The following UVRAG variants were observed in gnomAD, a reference collection of about 807,000 sequenced individuals.
UVRAG encodes the protein UV radiation resistance-associated gene protein.
UVRAG carries 19 observed loss-of-function variants against 78.0 expected under a neutral mutation model. The observed-to-expected ratio is 0.24, with a 90% confidence interval of 0.17 to 0.36. The LOEUF is 0.36. UVRAG is among the 10% of genes least tolerant of loss of function. UVRAG has a pLI of 1.00. For synonymous variants in UVRAG, 323 were observed against 324.6 expected (o/e 1.00, Z 0.05); for missense variants, 740 against 853.8 (o/e 0.87, Z 1.66).
At chr11:76,093,738 T>C (rs1437861097) in intron 13 of UVRAG, among the ~76,000 whole-genome samples, 2 of 152,260 alleles carry the variant, frequency 1.3e-5, no homozygotes, top group African/African-American at 2.4e-5. Flanking sequence ...AAGTTACTTA[T>C]TGGCTTAAAG....
At chr11:75,958,563 A>G (rs1235981264) in intron 6 of UVRAG, among the ~76,000 whole-genome samples, 5 of 152,200 alleles carry the variant, frequency 3.3e-5, no homozygotes, top group East Asian at 1.9e-4. Flanking sequence ...TTCTCTTGCT[A>G]TTAAAACCAT....
intron 13 of UVRAG, among the ~76,000 whole-genome samples, chr11:76,075,374 G>A (rs560637088): frequency 1.3e-5 from 2 of 152,270 alleles, no homozygotes; most frequent in Non-Finnish European, 2.9e-5. Context: ...ACTTTGGGAG[G>A]CCGAGGTGGG....
intron 1 of UVRAG, among the ~76,000 whole-genome samples, chr11:75,823,936 G>T (rs546041702): frequency 6.6e-6 from 1 of 152,264 alleles, no homozygotes; most frequent in African/African-American, 2.4e-5. Flanking sequence ...AAAAAAACAT[G>T]ATAGAAGCAG....
At chr11:76,110,151 C>A (rs1044748811) in intron 13 of UVRAG, among the ~76,000 whole-genome samples, 1 of 150,384 alleles carries the variant, frequency 6.6e-6, no homozygotes, top group Non-Finnish European at 1.5e-5. Context: ...CAGCTTTATG[C>A]CCAGCCTAGT....
intron 14 of UVRAG, among the ~76,000 whole-genome samples, chr11:76,136,520 T>C (rs1952599251): frequency 6.6e-6 from 1 of 151,312 alleles, no homozygotes; most frequent in Non-Finnish European, 1.5e-5. Flanking sequence ...TTTTTTTTTT[T>C]TTTTTTGAGA....
At chr11:75,918,404 A>C (rs1421157571) in intron 6 of UVRAG, among the ~76,000 whole-genome samples, 4 of 151,710 alleles carry the variant, frequency 2.6e-5, no homozygotes, top group African/African-American at 9.7e-5. Flanking sequence ...AAGATACATG[A>C]ATTTTCTTAC....
At chr11:75,883,308 T>G (rs1006693287) in intron 4 of UVRAG, among the ~76,000 whole-genome samples, 59 of 150,958 alleles carry the variant, frequency 3.9e-4, no homozygotes, top group African/African-American at 1.4e-3. Context: ...CAGCCCTACT[T>G]TCAGAGAGTT....
intron 12 of UVRAG, among the ~76,000 whole-genome samples, chr11:76,032,807 T>C (rs550914078): frequency 1.3e-4 from 20 of 152,196 alleles, no homozygotes; most frequent in Non-Finnish European, 2.6e-4. Flanking sequence ...AATACACCTT[T>C]CCATGGACCA....
chr11:75,998,389 A>G (rs1350530850), intron 8 of UVRAG, among the ~76,000 whole-genome samples: 1 of 152,258 alleles, frequency 6.6e-6, no homozygotes, highest in African/African-American at 2.4e-5. Flanking sequence ...CTGACCCAAA[A>G]TAAACAGACA....
chr11:75,983,049 T>C (rs1244066834), intron 7 of UVRAG, among the ~76,000 whole-genome samples: 1 of 152,188 alleles, frequency 6.6e-6, no homozygotes, highest in Non-Finnish European at 1.5e-5. Flanking sequence ...GGTCTTATGG[T>C]ACCTCTGTAT....
chr11:75,832,286 C>T (rs1352363950), intron 1 of UVRAG, among the ~76,000 whole-genome samples: 1 of 152,206 alleles, frequency 6.6e-6, no homozygotes, highest in Non-Finnish European at 1.5e-5. Context: ...TCCCACAAGG[C>T]TGCTCCCACA....
chr11:75,867,603 C>T (rs1349030363), intron 3 of UVRAG, among the ~76,000 whole-genome samples: 1 of 152,112 alleles, frequency 6.6e-6, no homozygotes, highest in Non-Finnish European at 1.5e-5. Context: ...TCCTATATGT[C>T]TTTTGGTAAA....
chr11:76,031,417 CAA>C (rs1350960828), intron 12 of UVRAG, among the ~76,000 whole-genome samples: 2 of 152,132 alleles, frequency 1.3e-5, no homozygotes, highest in Non-Finnish European at 2.9e-5. Flanking sequence ...GAAAATGAGT[CAA>C]GAGAAATTGT....
intron 12 of UVRAG, among the ~76,000 whole-genome samples, chr11:76,026,901 C>G (rs892481101): frequency 6.6e-6 from 1 of 151,926 alleles, no homozygotes; most frequent in African/African-American, 2.4e-5. Context: ...CATGTGAAAA[C>G]TTTCCCAAAT....
In UVRAG at chr11:76,125,440, C is replaced by T. The variant is rs148844223; in HGVS notation, c.1397+9425C>T. On this transcript the variant is annotated intron_variant, in intron 14 of 14. Transcript: ENST00000356136. ...TTAGGGGACCAGGCTTCTTCCATAA[C>T]TCATTCCAGAGTTTAAACACCCTCA... Among the ~76,000 whole-genome samples, 790 of 152,292 alleles carry T rather than the reference C, an allele frequency of 5.2e-3. 23 individuals carry two copies. Among genetic ancestry groups the T allele is most frequent in the Admixed American group, 0.047 (717 of 15,300 alleles).
chr11:75,922,330 A>G (rs1251026226), intron 6 of UVRAG, among the ~76,000 whole-genome samples: 2 of 152,040 alleles, frequency 1.3e-5, no homozygotes, highest in Non-Finnish European at 2.9e-5. Flanking sequence ...GTTCCATTCC[A>G]TTCTTGTGTG....
chr11:75,961,961 T>C (rs1410696174), intron 7 of UVRAG, among the ~76,000 whole-genome samples: 1 of 152,170 alleles, frequency 6.6e-6, no homozygotes, highest in Non-Finnish European at 1.5e-5. Flanking sequence ...GTGATCTCTT[T>C]TGGGAAATAC....
chr11:75,854,303 T>C (rs1217655986), intron 2 of UVRAG, among the ~76,000 whole-genome samples: 1 of 152,272 alleles, frequency 6.6e-6, no homozygotes, highest in Non-Finnish European at 1.5e-5. Flanking sequence ...GCCTCTGGCA[T>C]GGCCAGAGAT....
intron 3 of UVRAG, among the ~76,000 whole-genome samples, chr11:75,862,601 C>G (rs1249383835): frequency 6.6e-6 from 1 of 152,208 alleles, no homozygotes; most frequent in Non-Finnish European, 1.5e-5. Context: ...GTCTAGAACA[C>G]TTGTTTCCTC....
Sources: allele counts gnomAD v4.1 joint callset (sites outside exome capture counted in the v4.1 genomes callset), GRCh38; gene constraint gnomAD v4.1.1; transcripts MANE v1.5; gene names NCBI Gene and HGNC (gene_info 2026-07-23, HGNC 2026-07-21).